Variants in MROH2B observed in about 807,000 individuals in gnomAD.
MROH2B encodes the protein maestro heat-like repeat-containing protein family member 2B.
A neutral mutation model predicts 208.6 loss-of-function variants in MROH2B; 177 were observed. The observed-to-expected ratio is 0.85, with a 90% CI of 0.75 to 0.96. The LOEUF (loss-of-function observed/expected upper bound fraction) is 0.96, where lower values mean the gene tolerates loss of function less well. MROH2B is among the 40% of genes least tolerant of loss of function. MROH2B has a pLI of 0.00. For synonymous variants in MROH2B, 728 were observed against 659.0 expected (o/e 1.10, Z -1.60); for missense variants, 2,002 against 1,878.7 (o/e 1.07, Z -1.21).
In MROH2B at chr5:41,017,899, G is replaced by C. The variant is rs943516831; in HGVS notation, c.2835C>G (p.Thr945=). 6.3e-7 allele frequency: 1 copy of C among 1,589,754 alleles called. No individual in the cohort carries two copies. Among genetic ancestry groups the C allele is most frequent in the Non-Finnish European group, 8.6e-7 (1 of 1,167,418 alleles). The change falls in exon 28 of 42, where the codon ACC becomes ACG. Residue 945 remains threonine (T), a synonymous_variant. Transcript: ENST00000399564. ...LAPHSCDTLP[T]IRQAAASSTI... The stretch of plus-strand genomic sequence containing the variant: ...TTGAGCTAGCAGCCGCCTGACGGAT[G>C]GTGGGCAGGGTATCACAGGAGTGAG...
rs766300957 is a variant in MROH2B at position 40,998,066 on chromosome 5, T to C, written c.4744A>G (p.Ser1582Gly). Reference sequence around the variant, plus strand: ...TTCTTGATGGCTTACAGAGGAATGCTTGTCTCTTTACACCTTCTCAGGAGG... The same window carrying C: ...TTCTTGATGGCTTACAGAGGAATGCCTGTCTCTTTACACCTTCTCAGGAGG... ...QTLLRRCKETSIPL is the reference protein window; with the variant it reads ...QTLLRRCKETGIPL Residue 1582 changes from serine (S) to glycine (G), a missense_variant, in exon 42 of 42, where the codon AGC becomes GGC. By Grantham distance (56) the Ser-to-Gly change is moderately conservative. Coordinates refer to ENST00000399564, the MANE Select transcript of MROH2B (RefSeq NM_173489.5). The C allele has an allele frequency of 1.1e-5, 17 of 1,610,238 alleles. No homozygotes were observed. The highest frequency in any genetic ancestry group is 1.4e-5 in the Non-Finnish European group (16 of 1,177,082).
chr5:41,047,470 A>G (rs1743156651), intron 17 of MROH2B, among the ~76,000 whole-genome samples: 1 of 152,240 alleles, frequency 6.6e-6, no homozygotes, highest in African/African-American at 2.4e-5. Flanking sequence ...AAGACACAGG[A>G]AAAATATTGC....
chr5:41,018,794 C>G lies in MROH2B; in HGVS notation c.2578-8G>C. ...GGATCGTTCATAGAGAAACTGAAATCAAATATGTGTGTGTGAGTCTCAGGC... is the reference window on the plus strand; with the variant it reads ...GGATCGTTCATAGAGAAACTGAAATGAAATATGTGTGTGTGAGTCTCAGGC... On this transcript the variant is annotated splice_polypyrimidine_tract_variant and splice_region_variant and intron_variant, in intron 25 of 41. Coordinates refer to ENST00000399564, the MANE Select transcript of MROH2B (RefSeq NM_173489.5). The G allele has an allele frequency of 3.7e-6, 6 of 1,613,806 alleles. No homozygotes were observed. The South Asian group carries it at 6.6e-5, about 18-fold the overall frequency.
rs747617329 is a variant in MROH2B at position 41,005,606 on chromosome 5, G to T, written c.3789C>A (p.Ile1263=). ...TAAGAGATGAGAGCAGCTGTTCCAT[G>T]ATGTCCAGTATGACTCCGTGTTGCC... The part of the protein sequence containing the change: ...AVWQHGVILD[I]MEQLLSSLTS... Residue 1263 remains isoleucine (I), a synonymous_variant, in exon 35 of 42, where the codon ATC becomes ATA. Transcript: ENST00000399564. 7 of 1,612,158 alleles carry T rather than the reference G, an allele frequency of 4.3e-6. No individual in the cohort carries two copies. In the South Asian group the frequency reaches 7.7e-5, roughly 18 times the overall value.
At position 41,048,485 on chromosome 5, in the gene MROH2B, G is replaced by C. The variant is rs1743191997; in HGVS notation, c.1543-20C>G. On this transcript the variant is annotated intron_variant, in intron 15 of 41. Transcript: ENST00000399564. ...TATTACCTGAAGGATAGAAGAGAAG[G>C]AGCTCATCAATTTCAGGGGCGTTTA... is the stretch of plus-strand genomic sequence containing the variant. 5 of 1,580,736 alleles carry C rather than the reference G, an allele frequency of 3.2e-6. No homozygotes were observed. Among genetic ancestry groups the C allele is most frequent in the Non-Finnish European group, 4.3e-6 (5 of 1,167,830 alleles).
chr5:41,054,931 A>C (rs1470587521), intron 10 of MROH2B, 91 bp from the exon 11 acceptor site: 1 of 839,600 alleles, frequency 1.2e-6, no homozygotes, highest in East Asian at 2.9e-5. Flanking sequence ...ATTATGGCAC[A>C]TAATTGTGAA....
chr5:40,998,695 C>T lies in MROH2B; in HGVS notation c.4586-18G>A, dbSNP rs1258546879. The stretch of plus-strand genomic sequence containing the variant: ...AACGGCATCTAAAGTTAATAGGAGA[C>T]CATGTTACTGATTTCATTATAGAGG... On this transcript the variant is annotated intron_variant, in intron 40 of 41. Transcript: ENST00000399564. 4 of 1,562,282 alleles carry T rather than the reference C, an allele frequency of 2.6e-6. No homozygotes were observed. The Admixed American group carries it at 5.7e-5, about 22-fold the overall frequency.
chr5:41,004,686 T>A lies in MROH2B; in HGVS notation c.4011+88A>T, dbSNP rs879196056. The A allele has an allele frequency of 3.2e-6, 5 of 1,542,836 alleles. No homozygotes were observed. The South Asian group carries it at 5.1e-5, about 16-fold the overall frequency. ...GCAATGTATCTGGATTTCCAATTAATTTGTATGCAACAACTAGGCGTGGGT... is the reference window on the plus strand; with the variant it reads ...GCAATGTATCTGGATTTCCAATTAAATTGTATGCAACAACTAGGCGTGGGT... On this transcript the variant is annotated intron_variant, in intron 36 of 41. Transcript: ENST00000399564.
chr5:41,069,574 T>C (rs1743918839), intron 2 of MROH2B, 117 bp downstream of exon 2: 1 of 747,140 alleles, frequency 1.3e-6, no homozygotes, highest in South Asian at 1.7e-5. Context: ...CTGAAAAATC[T>C]AATGCCATGT....
intron 31 of MROH2B, 37 bp from the exon 32 acceptor site, chr5:41,009,443 C>G (rs779282527): frequency 1.2e-6 from 2 of 1,608,214 alleles, no homozygotes; most frequent in Admixed American, 3.3e-5. Flanking sequence ...AGATAAGGCA[C>G]AACCCCTCGG....
At chr5:41,029,832 G>A (rs1243955375) in intron 24 of MROH2B, among the ~76,000 whole-genome samples, 1 of 151,884 alleles carries the variant, frequency 6.6e-6, no homozygotes, top group South Asian at 2.1e-4. Context: ...GAGGAGTAAG[G>A]GTGAAAAAAA....
At position 41,057,292 on chromosome 5, in the gene MROH2B, G is replaced by A. The variant is rs749766718; in HGVS notation, c.825C>T (p.Ser275=). Residue 275 remains serine, a synonymous_variant, in exon 8 of 42, where the codon TCC becomes TCT. Coordinates refer to ENST00000399564, the MANE Select transcript of MROH2B (RefSeq NM_173489.5). ...DIGLPRSLRR[S]IFINLLQQIC... is the part of the protein sequence containing the mutation. ...CCTGCTGGAGTAAATTGATAAAGAT[G>A]GATCTTCTCAAGCTCCTTGGAAGGC... 6.3e-7 allele frequency: 1 copy of A among 1,599,054 alleles called. No individual in the cohort carries two copies.
In MROH2B at chr5:41,070,909, G is replaced by C. The variant is rs1478998971; in HGVS notation, c.-57C>G. 2 of 1,575,530 alleles carry C rather than the reference G, an allele frequency of 1.3e-6. No homozygotes were observed. Among genetic ancestry groups the C allele is most frequent in the Non-Finnish European group, 1.7e-6 (2 of 1,153,954 alleles). On this transcript the variant is annotated 5_prime_UTR_variant, in exon 1 of 42. Coordinates refer to ENST00000399564, the MANE Select transcript of MROH2B (RefSeq NM_173489.5). ...GCACCTAAGTATTAGAAATAGTAAGGCTAAAAAATCAAAGAGGCAGGTTGG... is the reference window on the plus strand; with the variant it reads ...GCACCTAAGTATTAGAAATAGTAAGCCTAAAAAATCAAAGAGGCAGGTTGG...
At chr5:41,054,667 T>A (rs1743388871) in intron 11 of MROH2B, 100 bp downstream of exon 11, 2 of 848,508 alleles carry the variant, frequency 2.4e-6, no homozygotes, top group Non-Finnish European at 3.5e-6. Flanking sequence ...ACCACAGAGT[T>A]CTTTATAAAA....
intron 37 of MROH2B, among the ~76,000 whole-genome samples, chr5:41,001,047 G>A (rs1323755533): frequency 6.6e-6 from 1 of 152,094 alleles, no homozygotes; most frequent in Non-Finnish European, 1.5e-5. Context: ...AAAAACCCTG[G>A]GTCTGGGGTT....
Position 40,999,624 on chromosome 5 carries a change from A to G in MROH2B, c.4585+53T>C, listed in dbSNP as rs926743324. On this transcript the variant is annotated intron_variant, in intron 40 of 41. Coordinates refer to ENST00000399564, the MANE Select transcript of MROH2B (RefSeq NM_173489.5). Reference sequence around the variant, plus strand: ...CTGGACAGCTTCTGGTCAAAGCAAAACTAGGTGGAAAAAGCAGACATATCT... The same window carrying G: ...CTGGACAGCTTCTGGTCAAAGCAAAGCTAGGTGGAAAAAGCAGACATATCT... 3.3e-6 allele frequency: 5 copies of G among 1,511,586 alleles called. No homozygotes were observed. The African/African-American group carries it at 6.9e-5, about 21-fold the overall frequency. The allele number at this position is 1,511,586 out of a possible 1,614,324, so 93.6% of individuals were successfully genotyped here.
At chr5:41,052,406 A>C in intron 12 of MROH2B, 59 bp downstream of exon 12, 1 of 1,446,710 alleles carries the variant, frequency 6.9e-7, no homozygotes, top group South Asian at 1.7e-5. Flanking sequence ...AAAAAGAAAC[A>C]TAGTTGAGCG....
chr5:41,024,810 A>C (rs1561285904), intron 24 of MROH2B, among the ~76,000 whole-genome samples: 1 of 152,228 alleles, frequency 6.6e-6, no homozygotes, highest in Non-Finnish European at 1.5e-5. Context: ...GCAAATGTAA[A>C]AGAACAGAAA....
In MROH2B at chr5:41,018,677, G is replaced by C; in HGVS notation, c.2673+14C>G. ...GGGAGAATGAGAATCAGTTTGAGTG[G>C]AGGCTCTACTCACATTAAACATTTC... On this transcript the variant is annotated intron_variant, in intron 26 of 41. Coordinates refer to ENST00000399564, the MANE Select transcript of MROH2B (RefSeq NM_173489.5). The C allele has an allele frequency of 6.2e-7, 1 of 1,611,972 alleles. No homozygotes were observed. The highest frequency in any genetic ancestry group is 1.1e-5 in the South Asian group (1 of 91,002).
Sources: allele counts gnomAD v4.1 joint callset (sites outside exome capture counted in the v4.1 genomes callset), GRCh38; gene constraint gnomAD v4.1.1; transcripts MANE v1.5; gene names NCBI Gene and HGNC (gene_info 2026-07-23, HGNC 2026-07-21).